HMCN1: variants seen among roughly 807,000 people sequenced by gnomAD.
HMCN1 encodes the protein hemicentin-1.
HMCN1 carries 321 observed loss-of-function variants against 625.9 expected under a neutral mutation model. That is an observed-to-expected ratio of 0.51 (90% CI 0.47 to 0.56). The LOEUF is 0.56. Ranked by LOEUF, HMCN1 falls within the 20% of genes least tolerant of loss-of-function variation. The pLI, the probability that HMCN1 is intolerant of heterozygous loss-of-function variation, is 0.00. For synonymous variants in HMCN1, 2,425 were observed against 2,417.6 expected (o/e 1.00, Z -0.09); for missense variants, 6,588 against 6,887.3 (o/e 0.96, Z 1.54).
intron 83 of HMCN1, 51 bp downstream of exon 83, chr1:186,128,342 T>C: frequency 7.1e-7 from 1 of 1,401,742 alleles, no homozygotes; most frequent in Non-Finnish European, 1.0e-6. Flanking sequence ...TGTAGAACTC[T>C]AGACGAAGCT....
intron 80 of HMCN1, among the ~76,000 whole-genome samples, chr1:186,121,490 T>C (rs1383008083): frequency 6.6e-6 from 1 of 152,104 alleles, no homozygotes; most frequent in African/African-American, 2.4e-5. Flanking sequence ...GGATTTCTGA[T>C]GAATTGGTAG....
At chr1:185,923,157 A>AT (rs1309992992) in intron 7 of HMCN1, among the ~76,000 whole-genome samples, 6 of 151,932 alleles carry the variant, frequency 3.9e-5, no homozygotes, top group East Asian at 1.9e-4. Context: ...CACGATTCTA[A>AT]TTTTTTTTAC....
At position 185,933,695 on chromosome 1, in the gene HMCN1, A is replaced by G; in HGVS notation, c.1699A>G (p.Arg567Gly). The change falls in exon 11 of 107, where the codon AGA (arginine) becomes GGA (glycine). Residue 567 changes from arginine (R) to glycine (G), a missense_variant. Transcript: ENST00000271588. ...DRDVRLAEPA[R>G]IRTLANLSLE... ...AGATGTCAGACTGGCAGAGCCAGCGAGAATTAGGACCTTGGCTAATCTGTC... is the reference window on the plus strand; with the variant it reads ...AGATGTCAGACTGGCAGAGCCAGCGGGAATTAGGACCTTGGCTAATCTGTC... 6.2e-7 allele frequency: 1 copy of G among 1,614,082 alleles called. No individual in the cohort carries two copies. Among genetic ancestry groups the G allele is most frequent in the Middle Eastern group, 1.6e-4 (1 of 6,062 alleles).
intron 22 of HMCN1, among the ~76,000 whole-genome samples, chr1:185,990,770 G>T (rs181141592): frequency 6.6e-6 from 1 of 152,144 alleles, no homozygotes; most frequent in Non-Finnish European, 1.5e-5. Context: ...TCCCATAAGA[G>T]CAATAAAATA....
chr1:185,963,016 G>C (rs541540235), intron 12 of HMCN1, among the ~76,000 whole-genome samples: 2 of 152,228 alleles, frequency 1.3e-5, no homozygotes, highest in South Asian at 4.2e-4. Flanking sequence ...CATTGTCCTG[G>C]ATTTAACAGA....
At chr1:186,121,581 A>T (rs1661401053) in intron 80 of HMCN1, among the ~76,000 whole-genome samples, 1 of 152,180 alleles carries the variant, frequency 6.6e-6, no homozygotes, top group African/African-American at 2.4e-5. Context: ...GTTGGAACGC[A>T]AGGGGAAGAA....
intron 11 of HMCN1, among the ~76,000 whole-genome samples, chr1:185,944,148 A>G (rs1298796596): frequency 6.6e-6 from 1 of 151,734 alleles, no homozygotes; most frequent in Non-Finnish European, 1.5e-5. Flanking sequence ...GAACAGGTAG[A>G]TAAAGGAAAG....
chr1:186,037,415 G>A (rs1481282881), intron 36 of HMCN1, among the ~76,000 whole-genome samples: 1 of 151,976 alleles, frequency 6.6e-6, no homozygotes, highest in Admixed American at 6.6e-5. Flanking sequence ...GTACTTTTCT[G>A]TTTTATTTTG....
At chr1:185,777,030 C>T (rs943183966) in intron 1 of HMCN1, among the ~76,000 whole-genome samples, 1 of 152,172 alleles carries the variant, frequency 6.6e-6, no homozygotes, top group East Asian at 1.9e-4. Context: ...ACTTACTGTT[C>T]AAGTGTAAAA....
chr1:186,136,841 A>G lies in HMCN1; in HGVS notation c.13486A>G (p.Ile4496Val), dbSNP rs773105363. 3.7e-6 allele frequency: 6 copies of G among 1,614,074 alleles called. No homozygotes were observed. In the South Asian group the frequency reaches 6.6e-5, roughly 18 times the overall value. ...CGTGTTGTCCAACAACTCATTATAT[A>G]TTGCTGATGCTCAGAAAGAAGATAC... ...VNVLSNNSLYIADAQKEDTSE... is the reference protein window; with the variant it reads ...VNVLSNNSLYVADAQKEDTSE... Residue 4496 changes from isoleucine to valine, a missense_variant, in exon 87 of 107, where the codon ATT becomes GTT. Ile to Val is a conservative substitution (Grantham distance 29, BLOSUM62 3). Around this residue, in one of 3 missense-constraint regions of HMCN1, gnomAD observed 1,954 missense variants for 2,013.1 expected, o/e 0.97. Coordinates refer to ENST00000271588, the MANE Select transcript of HMCN1 (RefSeq NM_031935.3).
At chr1:185,993,363 C>T (rs748222694) in intron 23 of HMCN1, 54 bp downstream of exon 23, 1 of 1,599,680 alleles carries the variant, frequency 6.3e-7, no homozygotes, top group Admixed American at 1.7e-5. Context: ...CACACAAAAA[C>T]CCGTAATCCT....
intron 14 of HMCN1, among the ~76,000 whole-genome samples, chr1:185,969,857 C>A (rs1313430070): frequency 2.0e-5 from 3 of 152,136 alleles, no homozygotes; most frequent in Non-Finnish European, 4.4e-5. Flanking sequence ...AAAAGCCTAA[C>A]CTAAATCATA....
chr1:186,144,820 C>A, intron 91 of HMCN1, 117 bp downstream of exon 91: 1 of 1,210,514 alleles, frequency 8.3e-7, no homozygotes, highest in Non-Finnish European at 1.2e-6. Context: ...TTTAGGATGT[C>A]AGAATGTTGT....
intron 93 of HMCN1, among the ~76,000 whole-genome samples, chr1:186,147,084 T>C (rs1650359802): frequency 6.6e-6 from 1 of 152,180 alleles, no homozygotes; most frequent in African/African-American, 2.4e-5. Context: ...CTCTCTACTT[T>C]CCTACATCAT....
At position 186,137,792 on chromosome 1, in the gene HMCN1, C is replaced by A; in HGVS notation, c.13754-10C>A. 6.2e-7 allele frequency: 1 copy of A among 1,613,982 alleles called. No individual in the cohort carries two copies. Among genetic ancestry groups the A allele is most frequent in the Non-Finnish European group, 8.5e-7 (1 of 1,179,966 alleles). On this transcript the variant is annotated splice_polypyrimidine_tract_variant and intron_variant, in intron 88 of 106. Coordinates refer to ENST00000271588, the MANE Select transcript of HMCN1 (RefSeq NM_031935.3). ...TATACCTGATGGTGTAATGGTTCAC[C>A]TTTGTATAGTGGATGGTAGCTGGTC...
In HMCN1 at chr1:186,166,221, T is replaced by C; in HGVS notation, c.15357T>C (p.His5119=). The change falls in exon 99 of 107, where the codon CAT becomes CAC. Residue 5119 remains histidine (H), a synonymous_variant. Coordinates refer to ENST00000271588, the MANE Select transcript of HMCN1 (RefSeq NM_031935.3). ...GTGCAGCAGGGAATCCCTGCTCCCATAGCTGCCACAATGCCATGGGGACTT... is the reference window on the plus strand; with the variant it reads ...GTGCAGCAGGGAATCCCTGCTCCCACAGCTGCCACAATGCCATGGGGACTT... ...DECAAGNPCS[H]SCHNAMGTYY... The C allele has an allele frequency of 1.9e-6, 3 of 1,614,104 alleles. No homozygotes were observed. The highest frequency in any genetic ancestry group is 2.5e-6 in the Non-Finnish European group (3 of 1,179,986).
At chr1:185,872,748 T>C (rs1024699255) in intron 4 of HMCN1, among the ~76,000 whole-genome samples, 3 of 152,164 alleles carry the variant, frequency 2.0e-5, no homozygotes, top group Non-Finnish European at 4.4e-5. Context: ...TGATTTTGTA[T>C]ATGGGCTCTG....
At chr1:185,878,277 A>G (rs903982864) in intron 4 of HMCN1, among the ~76,000 whole-genome samples, 1 of 152,174 alleles carries the variant, frequency 6.6e-6, no homozygotes, top group African/African-American at 2.4e-5. Flanking sequence ...TTTCAGTACT[A>G]TGTTGAATAG....
chr1:186,002,331 C>T (rs74134276), intron 28 of HMCN1, among the ~76,000 whole-genome samples: 3,771 of 152,100 alleles, frequency 0.025, 151 homozygotes, highest in African/African-American at 0.086. Flanking sequence ...TTAAAATTCA[C>T]TTTGTGATAA....
Sources: allele counts gnomAD v4.1 joint callset (sites outside exome capture counted in the v4.1 genomes callset), GRCh38; gene constraint gnomAD v4.1.1; regional missense constraint gnomAD v4.1.1; transcripts MANE v1.5; gene names NCBI Gene and HGNC (gene_info 2026-07-23, HGNC 2026-07-21).